The following SSH3 variants were observed in gnomAD, a reference collection of about 807,000 sequenced individuals.
SSH3 encodes the protein slingshot protein phosphatase 3, also known as protein phosphatase Slingshot homolog 3.
A neutral mutation model predicts 75.0 loss-of-function variants in SSH3; 67 were observed. The ratio of observed to expected loss-of-function variants is 0.89; its 90% CI spans 0.73 to 1.10. SSH3 has a LOEUF of 1.10. Ranked by LOEUF, SSH3 falls within the 50% of genes least tolerant of loss-of-function variation. The probability of loss-of-function intolerance (pLI) is 0.00; values close to 1 mark genes in which losing one functional copy is unlikely to be tolerated. For synonymous variants in SSH3, 318 were observed against 349.2 expected, an observed-to-expected ratio of 0.91 and a Z score of 1.00; for missense variants, 824 against 872.7, an observed-to-expected ratio of 0.94 and a Z score of 0.70.
Position 67,311,805 on chromosome 11 carries a change from C to T in SSH3, c.1898C>T (p.Pro633Leu). ...GGGCAGGGGCAGGGGCAGGGAGAGC[C>T]CTGCATTTCCTCTACGCCCAGGTTC... ...EQGQGQGQGE[P>L]CISSTPRFRK... Residue 633 changes from proline to leucine, a missense_variant, in exon 14 of 14, where the codon CCC becomes CTC. Physicochemically the swap from Pro to Leu is moderately conservative, Grantham distance 98. Transcript: ENST00000308127. 1 of 1,613,506 alleles carries T rather than the reference C, an allele frequency of 6.2e-7. No homozygotes were observed. The highest frequency in any genetic ancestry group is 8.5e-7 in the Non-Finnish European group (1 of 1,179,944).
Position 67,310,261 on chromosome 11 carries a change from A to G in SSH3, c.1605A>G (p.Arg535=). 1 of 1,614,168 alleles carries G rather than the reference A, an allele frequency of 6.2e-7. No homozygotes were observed. The highest frequency in any genetic ancestry group is 8.5e-7 in the Non-Finnish European group (1 of 1,180,024). ...EPGPRPRINL[R]GVMRSISLLE... is the part of the protein sequence containing the mutation. ...GGCCACGGCCACGTATAAACCTCCG[A>G]GGGGTCATGAGGTCCATCAGTCTTC... Residue 535 remains arginine (R), a synonymous_variant, in exon 13 of 14, where the codon CGA becomes CGG. Transcript: ENST00000308127.
rs1308304292 is a variant in SSH3 at position 67,311,729 on chromosome 11, G to T, written c.1822G>T (p.Gly608Cys). The change falls in exon 14 of 14, where the codon GGC (glycine) becomes TGC (cysteine). Residue 608 changes from glycine to cysteine, a missense_variant. Transcript: ENST00000308127. ...KSRQSVVTLQ[G>C]SAVVANRTQA... is the part of the protein sequence containing the mutation. The stretch of plus-strand genomic sequence containing the variant: ...CCGCCAGTCAGTGGTTACCCTCCAG[G>T]GCAGTGCCGTGGTGGCCAACCGGAC... 1 of 1,614,028 alleles carries T rather than the reference G, an allele frequency of 6.2e-7. No homozygotes were observed. Among genetic ancestry groups the T allele is most frequent in the Non-Finnish European group, 8.5e-7 (1 of 1,179,976 alleles).
rs959755044 is a variant in SSH3, at chr11:67,307,433, T to C, written c.599T>C (p.Met200Thr). The change falls in exon 6 of 14, where the codon ATG (methionine) becomes ACG (threonine). Residue 200 changes from methionine (M) to threonine (T), a missense_variant. Coordinates refer to ENST00000308127, the MANE Select transcript of SSH3 (RefSeq NM_017857.4). The surrounding 1 kb of genome is among the most constrained non-coding windows in gnomAD (Gnocchi z 4.2). ...TTCAAGCCCATCTCCATCCAGACCA[T>C]GTGGTAAGGACAGAGACTGCCTGGA... ...RIFKPISIQT[M>T]WATLQVLHQA... is the part of the protein sequence containing the mutation. The C allele has an allele frequency of 5.6e-6, 9 of 1,613,888 alleles. No individual in the cohort carries two copies. Among genetic ancestry groups the C allele is most frequent in the Non-Finnish European group, 7.6e-6 (9 of 1,179,970 alleles).
Position 67,312,156 on chromosome 11 carries a change from A to C in SSH3, c.*269A>C, listed in dbSNP as rs1293402272. The C allele has an allele frequency of 3.7e-6, 2 of 536,662 alleles. No homozygotes were observed. Among genetic ancestry groups the C allele is most frequent in the Non-Finnish European group, 6.5e-6 (2 of 305,600 alleles). The allele number at this position is 536,662 out of a possible 1,614,324, so 33.2% of individuals were successfully genotyped here. A position where few individuals can be genotyped will look rare whatever the true frequency, so the allele number is the denominator to read the frequency against. On this transcript the variant is annotated 3_prime_UTR_variant, in exon 14 of 14. Transcript: ENST00000308127. ...GGGATGTGGTAGAGGGACTGAAGGT[A>C]CCTTTGGGGGCAACAGCACCCTAGT...
chr11:67,304,120 C>G lies in SSH3; in HGVS notation c.69C>G (p.Asp23Glu), dbSNP rs767988745. 6.3e-7 allele frequency: 1 copy of G among 1,595,472 alleles called. No individual in the cohort carries two copies. ...CCCTGGGGCTGCTCTCTCCGCAGGA[C>G]CAGGCGGTCCAGCGAAGGAGTCGAC... ...SGASTPVGPWDQAVQRRSRLQ... is the reference protein window; with the variant it reads ...SGASTPVGPWEQAVQRRSRLQ... The change falls in exon 2 of 14, where the codon GAC becomes GAG. Residue 23 changes from aspartate (D) to glutamate (E), a missense_variant and splice_region_variant. By Grantham distance (45) the Asp-to-Glu change is conservative (BLOSUM62 2). Coordinates refer to ENST00000308127, the MANE Select transcript of SSH3 (RefSeq NM_017857.4).
Position 67,307,800 on chromosome 11 carries a change from G to A in SSH3, c.792-46G>A, listed in dbSNP as rs2134778000. 1 of 1,613,990 alleles carries A rather than the reference G, an allele frequency of 6.2e-7. No individual in the cohort carries two copies. Among genetic ancestry groups the A allele is most frequent in the Non-Finnish European group, 8.5e-7 (1 of 1,179,990 alleles). ...GGCAGGATAATGCAGTGGGGGGCATGGTGGAGAGGGGAAAGGGCCCCTTGA... is the reference window on the plus strand; with the variant it reads ...GGCAGGATAATGCAGTGGGGGGCATAGTGGAGAGGGGAAAGGGCCCCTTGA... On this transcript the variant is annotated intron_variant, in intron 7 of 13. Transcript: ENST00000308127. The surrounding 1 kb of genome is among the most constrained non-coding windows in gnomAD (Gnocchi z 4.2).
Position 67,312,492 on chromosome 11 carries a change from A to G in SSH3, c.*605A>G, listed in dbSNP as rs868214301. The G allele has an allele frequency of 1.3e-5, 2 of 154,534 alleles. No individual in the cohort carries two copies. Among genetic ancestry groups the G allele is most frequent in the South Asian group, 3.9e-4 (2 of 5,180 alleles). The allele number at this position is 154,534 out of a possible 1,614,324, so 9.6% of individuals were successfully genotyped here. On this transcript the variant is annotated 3_prime_UTR_variant, in exon 14 of 14. Coordinates refer to ENST00000308127, the MANE Select transcript of SSH3 (RefSeq NM_017857.4). The stretch of plus-strand genomic sequence containing the variant: ...ACGCCAGATCACAGGGCACCAGGCC[A>G]GAGATAGTCTTCTTTTTGTCCTTTC...
At chr11:67,304,083 G>A in intron 1 of SSH3, 35 bp from the exon 2 acceptor site, 1 of 1,553,990 alleles carries the variant, frequency 6.4e-7, no homozygotes. Context: ...AGCCCTCCCC[G>A]CCCTCACCCT....
Position 67,306,835 on chromosome 11 carries a change from C to CAGGCAGCCCAGCTGG in SSH3, c.343_357dup, listed in dbSNP as rs1861258897. 2 of 1,608,236 alleles carry CAGGCAGCCCAGCTGG rather than the reference C, an allele frequency of 1.2e-6. No homozygotes were observed. Among genetic ancestry groups the CAGGCAGCCCAGCTGG allele is most frequent in the Admixed American group, 1.7e-5 (1 of 59,678 alleles). The stretch of plus-strand genomic sequence containing the variant: ...TGACCCTGGGTTCCTCATCTCCCCC[C>CAGGCAGCCCAGCTGG]AGGCAGCCCAGCTGGAGGCACCCCG... On this transcript the variant is annotated splice_polypyrimidine_tract_variant and splice_region_variant and intron_variant, in intron 3 of 13. Coordinates refer to ENST00000308127, the MANE Select transcript of SSH3 (RefSeq NM_017857.4).
chr11:67,304,343 A>G (rs1175291509), intron 2 of SSH3, among the ~76,000 whole-genome samples, 188 bp downstream of exon 2: 1 of 151,434 alleles, frequency 6.6e-6, no homozygotes, highest in East Asian at 1.9e-4. Flanking sequence ...CTTTGCCTTC[A>G]CCCTCCCCCT....
chr11:67,307,523 T>C lies in SSH3; in HGVS notation c.603-26T>C. On this transcript the variant is annotated intron_variant, in intron 6 of 13. Coordinates refer to ENST00000308127, the MANE Select transcript of SSH3 (RefSeq NM_017857.4). This position sits in a 1 kb window ranked among gnomAD's most constrained non-coding sequence, Gnocchi z 4.2. ...GGGGAAGGGCAGCAAGGGAACAGTG[T>C]GACCCAGCCTCTCCTCCTGTCTCAG... 6.2e-7 allele frequency: 1 copy of C among 1,610,742 alleles called. No homozygotes were observed. The highest frequency in any genetic ancestry group is 1.1e-5 in the South Asian group (1 of 90,990).
intron 10 of SSH3, 115 bp from the exon 11 acceptor site, chr11:67,309,282 C>T: frequency 1.5e-6 from 2 of 1,333,454 alleles, no homozygotes; most frequent in South Asian, 1.3e-5. Context: ...TCACTGCTGC[C>T]TCCATCTGAC....
At position 67,303,695 on chromosome 11, in the gene SSH3, A is replaced by C; in HGVS notation, c.66+4A>C. The stretch of plus-strand genomic sequence containing the variant: ...CTCCACGCCCGTGGGGCCCTGGGTG[A>C]GTGTGGTCCGGCCGTGGTGCCGCCC... On this transcript the variant is annotated splice_donor_region_variant and intron_variant, in intron 1 of 13. Transcript: ENST00000308127. 1 of 1,492,716 alleles carries C rather than the reference A, an allele frequency of 6.7e-7. No homozygotes were observed. Among genetic ancestry groups the C allele is most frequent in the Non-Finnish European group, 8.9e-7 (1 of 1,127,992 alleles). The allele number at this position is 1,492,716 out of a possible 1,614,324, so 92.5% of individuals were successfully genotyped here.
chr11:67,306,705 T>C, intron 3 of SSH3, 133 bp from the exon 4 acceptor site: 1 of 1,113,888 alleles, frequency 9.0e-7, no homozygotes, highest in Non-Finnish European at 1.2e-6. Flanking sequence ...CTTTACCCAC[T>C]GATTTTACAT....
chr11:67,306,730 G>A (rs1342685816), intron 3 of SSH3, 108 bp from the exon 4 acceptor site: 14 of 1,275,182 alleles, frequency 1.1e-5, no homozygotes, highest in Middle Eastern at 5.6e-4. Context: ...GAAGAGGGGG[G>A]ATGGGAGAGG....
rs12417770 is a variant in SSH3 at position 67,309,277 on chromosome 11, G to A, written c.1062-120G>A. On this transcript the variant is annotated intron_variant, in intron 10 of 13. Transcript: ENST00000308127. ...GGTCACTTCTCCTCCCACTGTCACT[G>A]CTGCCTCCATCTGACTTGAAACTCA... The A allele has an allele frequency of 0.02, 25,261 of 1,284,214 alleles. 2,793 individuals carry two copies. In the Admixed American group the frequency reaches 0.28, roughly 14 times the overall value. 79.6% of individuals were successfully genotyped at this position (1,284,214 alleles called of 1,614,324 possible).
Position 67,309,492 on chromosome 11 carries a change from C to G in SSH3, c.1157C>G (p.Ala386Gly). ...GTGCGCCTCTGGGATGAGGAGTCGGCCCAGCTGCTGCCGCACTGGAAGGAG... is the reference window on the plus strand; with the variant it reads ...GTGCGCCTCTGGGATGAGGAGTCGGGCCAGCTGCTGCCGCACTGGAAGGAG... The part of the protein sequence containing the change: ...HNVRLWDEES[A>G]QLLPHWKETH... Residue 386 changes from alanine (A) to glycine (G), a missense_variant, in exon 11 of 14, where the codon GCC becomes GGC. Coordinates refer to ENST00000308127, the MANE Select transcript of SSH3 (RefSeq NM_017857.4). 1 of 1,614,132 alleles carries G rather than the reference C, an allele frequency of 6.2e-7. No individual in the cohort carries two copies.
chr11:67,310,883 C>T (rs1191927600), intron 13 of SSH3, among the ~76,000 whole-genome samples: 1 of 152,194 alleles, frequency 6.6e-6, no homozygotes, highest in African/African-American at 2.4e-5. Context: ...TCTGAAGCCC[C>T]TCCCTGGTCT....
At chr11:67,309,200 A>C in intron 10 of SSH3, 197 bp from the exon 11 acceptor site, 2 of 634,464 alleles carry the variant, frequency 3.2e-6, no homozygotes, top group Non-Finnish European at 2.7e-6. Context: ...ATGGGGAAAC[A>C]AGCCCAGCAG....
Sources: gnomAD v4.1 joint callset for allele counts (sites outside exome capture counted in the v4.1 genomes callset) on GRCh38, gnomAD v4.1.1 for gene constraint, Gnocchi (gnomAD v3.1) non-coding constraint, MANE v1.5 for transcripts, NCBI Gene and HGNC (gene_info 2026-07-23, HGNC 2026-07-21) for gene names.